OSBPL8: variants seen among roughly 807,000 people sequenced by gnomAD.
OSBPL8 encodes oxysterol-binding protein-related protein 8.
A neutral mutation model predicts 125.5 loss-of-function variants in OSBPL8; 59 were observed. That is an observed-to-expected ratio of 0.47 (90% confidence interval 0.38 to 0.58). The LOEUF (loss-of-function observed/expected upper bound fraction) is 0.58, where lower values mean the gene tolerates loss of function less well. Among genes scored for constraint, OSBPL8 ranks in the 20% least tolerant of loss-of-function variants. OSBPL8 has a pLI of 0.00. For missense variants in OSBPL8, 758 were observed against 1,047.8 expected (o/e 0.72, Z 3.82); for synonymous variants, 330 against 338.9 (o/e 0.97, Z 0.29).
At chr12:76,458,402 A>G (rs1874318301) in intron 3 of OSBPL8, among the ~76,000 whole-genome samples, 1 of 151,984 alleles carries the variant, frequency 6.6e-6, no homozygotes, top group Non-Finnish European at 1.5e-5. Flanking sequence ...TTAAGAATGA[A>G]AAAAGGGCTA....
chr12:76,398,308 AAC>A (rs1232257119), intron 7 of OSBPL8, among the ~76,000 whole-genome samples: 1 of 152,228 alleles, frequency 6.6e-6, no homozygotes, highest in African/African-American at 2.4e-5. Flanking sequence ...CAGTGCTGAA[AAC>A]ACTGCTGGCA....
At chr12:76,414,882 C>A (rs541715173) in intron 4 of OSBPL8, among the ~76,000 whole-genome samples, 79 of 152,246 alleles carry the variant, frequency 5.2e-4, no homozygotes, top group Non-Finnish European at 5.7e-4. Context: ...ATTTTTTCTG[C>A]TTTTAATCTG....
At chr12:76,495,609 T>C (rs1039033692) in intron 1 of OSBPL8, among the ~76,000 whole-genome samples, 2 of 152,170 alleles carry the variant, frequency 1.3e-5, no homozygotes, top group Non-Finnish European at 2.9e-5. Context: ...TCTCCAGACC[T>C]TGGAAAAATC....
At position 76,352,137 on chromosome 12, in the gene OSBPL8, A is replaced by G. The variant is rs2136098276; in HGVS notation, c.*3752T>C. 1 of 152,724 alleles carries G rather than the reference A, an allele frequency of 6.5e-6. No individual in the cohort carries two copies. The highest frequency in any genetic ancestry group is 2.1e-4 in the South Asian group (1 of 4,828). The allele number at this position is 152,724 out of a possible 1,614,324, so 9.5% of individuals were successfully genotyped here. A position where few individuals can be genotyped will look rare whatever the true frequency, so the allele number is the denominator to read the frequency against. On this transcript the variant is annotated 3_prime_UTR_variant, in exon 24 of 24. Coordinates refer to ENST00000261183, the MANE Select transcript of OSBPL8 (RefSeq NM_020841.5). Reference sequence around the variant, plus strand: ...TATTTAGCATGCTAAAAAGTGAAAAAAATTTCAACTGAAGTTCTGTGGCTC... The same window carrying G: ...TATTTAGCATGCTAAAAAGTGAAAAGAATTTCAACTGAAGTTCTGTGGCTC...
chr12:76,394,083 T>G (rs945501198), intron 9 of OSBPL8, among the ~76,000 whole-genome samples: 16 of 152,116 alleles, frequency 1.1e-4, no homozygotes, highest in Admixed American at 1.0e-3. Context: ...GTTAGAAGAT[T>G]CCCTATACCA....
At chr12:76,471,928 C>G (rs1002073760) in intron 2 of OSBPL8, among the ~76,000 whole-genome samples, 1 of 152,194 alleles carries the variant, frequency 6.6e-6, no homozygotes, top group Non-Finnish European at 1.5e-5. Flanking sequence ...TAAGCATTAC[C>G]TTGTCTTAAA....
At chr12:76,399,755 G>A in intron 7 of OSBPL8, 118 bp downstream of exon 7, 1 of 637,134 alleles carries the variant, frequency 1.6e-6, no homozygotes, top group Non-Finnish European at 2.5e-6. Context: ...CTTTGCCAGT[G>A]AAAAACAATC....
chr12:76,408,280 T>C (rs113962332), intron 5 of OSBPL8, among the ~76,000 whole-genome samples: 8,235 of 150,018 alleles, frequency 0.055, 592 homozygotes, highest in African/African-American at 0.17. Flanking sequence ...GCTAACACGG[T>C]GAAACCCTGT....
intron 5 of OSBPL8, among the ~76,000 whole-genome samples, chr12:76,408,659 G>A (rs1210288905): frequency 1.3e-5 from 2 of 151,978 alleles, no homozygotes; most frequent in Non-Finnish European, 2.9e-5. Flanking sequence ...TGGTTACTGG[G>A]CATTTAAGGT....
chr12:76,446,057 T>G (rs1872691376), intron 4 of OSBPL8, among the ~76,000 whole-genome samples: 1 of 152,148 alleles, frequency 6.6e-6, no homozygotes, highest in African/African-American at 2.4e-5. Context: ...TTTCCTCATT[T>G]GTAAAATGGG....
intron 1 of OSBPL8, among the ~76,000 whole-genome samples, chr12:76,506,434 T>C (rs906173054): frequency 2.6e-5 from 4 of 152,152 alleles, no homozygotes; most frequent in Non-Finnish European, 4.4e-5. Context: ...TGAGATAATT[T>C]TGGAAATCTC....
At chr12:76,424,499 T>C (rs1350709729) in intron 4 of OSBPL8, among the ~76,000 whole-genome samples, 2 of 152,194 alleles carry the variant, frequency 1.3e-5, no homozygotes, top group Non-Finnish European at 2.9e-5. Context: ...CAACAAATAA[T>C]TATAATTCAT....
chr12:76,362,694 A>G (rs976085345), intron 21 of OSBPL8, among the ~76,000 whole-genome samples: 3 of 152,196 alleles, frequency 2.0e-5, no homozygotes, highest in African/African-American at 7.2e-5. Flanking sequence ...CAATCAGGCA[A>G]GAGAAAGAAA....
At chr12:76,549,121 A>G (rs991314428) in intron 1 of OSBPL8, among the ~76,000 whole-genome samples, 2 of 152,164 alleles carry the variant, frequency 1.3e-5, no homozygotes, top group Non-Finnish European at 2.9e-5. Context: ...CCCACAAAAT[A>G]TAAAAGATGA....
At position 76,356,162 on chromosome 12, in the gene OSBPL8, T is replaced by TGGGGG; in HGVS notation, c.2538-146_2538-142dup. The TGGGGG allele has an allele frequency of 9.2e-3, 1,251 of 136,494 alleles. 2 individuals carry two copies. The highest frequency in any genetic ancestry group is 0.021 in the East Asian group (101 of 4,836). 8.5% of individuals were successfully genotyped at this position (136,494 alleles called of 1,614,324 possible). On this transcript the variant is annotated intron_variant, in intron 23 of 23. Coordinates refer to ENST00000261183, the MANE Select transcript of OSBPL8 (RefSeq NM_020841.5). ...TGGGTCATGGGGTGGTATGTAGGGG[T>TGGGGG]GGGGGGGGGCGGGGTCTGGGACTGC...
intron 21 of OSBPL8, among the ~76,000 whole-genome samples, chr12:76,365,935 T>G (rs990524730): frequency 5.9e-5 from 9 of 152,216 alleles, no homozygotes; most frequent in Non-Finnish European, 4.4e-5. Flanking sequence ...CTGGAATAAA[T>G]TCCACTTGGT....
At chr12:76,461,216 G>A (rs1874683249) in intron 2 of OSBPL8, among the ~76,000 whole-genome samples, 1 of 152,136 alleles carries the variant, frequency 6.6e-6, no homozygotes, top group South Asian at 2.1e-4. Flanking sequence ...ACAGAATACA[G>A]CCAAAGTGAT....
chr12:76,447,693 G>A (rs1387176008), intron 4 of OSBPL8, among the ~76,000 whole-genome samples: 8 of 152,040 alleles, frequency 5.3e-5, no homozygotes, highest in Non-Finnish European at 8.8e-5. Context: ...ACAGGTGCCC[G>A]CCACCAAGCC....
chr12:76,424,290 C>T (rs1230899965), intron 4 of OSBPL8, among the ~76,000 whole-genome samples: 2 of 152,030 alleles, frequency 1.3e-5, no homozygotes, highest in Non-Finnish European at 2.9e-5. Flanking sequence ...TGTGAGCCAC[C>T]GCACCAGGCA....
Sources: gnomAD v4.1 joint callset for allele counts (sites outside exome capture counted in the v4.1 genomes callset) on GRCh38, gnomAD v4.1.1 for gene constraint, MANE v1.5 for transcripts, NCBI Gene and HGNC (gene_info 2026-07-23, HGNC 2026-07-21) for gene names.